ARHGAP24: variants seen among roughly 807,000 people sequenced by gnomAD.
ARHGAP24 encodes Rho GTPase activating protein 24, also known as rho GTPase-activating protein 24.
In ARHGAP24, 50 loss-of-function variants were observed where a neutral mutation model predicts 76.4. That is an observed-to-expected ratio of 0.65 (90% CI 0.52 to 0.83). The LOEUF (loss-of-function observed/expected upper bound fraction) is 0.83. ARHGAP24 is among the 40% of genes least tolerant of loss of function. The probability of loss-of-function intolerance (pLI) is 0.00; values close to 1 mark genes in which losing one functional copy is unlikely to be tolerated. For missense variants in ARHGAP24, 930 were observed against 914.2 expected (o/e 1.02, Z -0.22); for synonymous variants, 345 against 323.3 (o/e 1.07, Z -0.72).
At chr4:85,615,566 G>C (rs1003516652) in intron 2 of ARHGAP24, among the ~76,000 whole-genome samples, 4 of 152,130 alleles carry the variant, frequency 2.6e-5, no homozygotes, top group African/African-American at 9.7e-5. Context: ...GTTGACTTGA[G>C]ACATGTATGG....
At chr4:85,969,301 A>G (rs1273183288) in intron 5 of ARHGAP24, among the ~76,000 whole-genome samples, 1 of 152,156 alleles carries the variant, frequency 6.6e-6, no homozygotes, top group Non-Finnish European at 1.5e-5. Context: ...CAATGTAATA[A>G]ATAGATCATC....
At chr4:85,569,809 A>G (rs1727007378) in intron 1 of ARHGAP24, among the ~76,000 whole-genome samples, 2 of 152,346 alleles carry the variant, frequency 1.3e-5, no homozygotes, top group Non-Finnish European at 2.9e-5. Flanking sequence ...ATGTTCACCT[A>G]TGTAAGACAA....
intron 1 of ARHGAP24, among the ~76,000 whole-genome samples, chr4:85,561,475 G>C (rs972412495): frequency 3.9e-4 from 59 of 152,206 alleles, no homozygotes; most frequent in African/African-American, 1.3e-3. Context: ...GGAGAGTGAG[G>C]GGACAGAAAG....
chr4:85,619,891 A>G lies in ARHGAP24; in HGVS notation c.180+49170A>G, dbSNP rs374709915. ...TCATGAAATGATCTTATTTTTTTTC[A>G]AATGCCTTATCTGCATCTATTGAAA... On this transcript the variant is annotated intron_variant, in intron 2 of 9. Coordinates refer to ENST00000395184, the MANE Select transcript of ARHGAP24 (RefSeq NM_001025616.3). 1.2e-4 allele frequency among the ~76,000 whole-genome samples: 18 copies of G among 151,844 alleles called. No individual in the cohort carries two copies. The South Asian group carries it at 1.7e-3, about 14-fold the overall frequency.
intron 3 of ARHGAP24, among the ~76,000 whole-genome samples, chr4:85,811,244 T>C (rs1410457267): frequency 6.6e-6 from 1 of 152,234 alleles, no homozygotes; most frequent in East Asian, 1.9e-4. Context: ...CTAAAGGTTT[T>C]GTCTTAAGAT....
chr4:85,898,323 A>G (rs1258219546), intron 3 of ARHGAP24, among the ~76,000 whole-genome samples: 1 of 152,068 alleles, frequency 6.6e-6, no homozygotes, highest in Non-Finnish European at 1.5e-5. Flanking sequence ...GTGGAATGTG[A>G]CTGTTAGTCA....
intron 3 of ARHGAP24, among the ~76,000 whole-genome samples, chr4:85,787,626 C>A (rs776466987): frequency 6.6e-6 from 1 of 152,042 alleles, no homozygotes; most frequent in Non-Finnish European, 1.5e-5. Context: ...ATGACAACAA[C>A]AAAATAAAAC....
chr4:85,765,609 T>C (rs1726902890), intron 3 of ARHGAP24, among the ~76,000 whole-genome samples: 2 of 152,108 alleles, frequency 1.3e-5, no homozygotes, highest in Non-Finnish European at 2.9e-5. Context: ...TAAGAAAGAA[T>C]ATAATTAGAT....
intron 1 of ARHGAP24, among the ~76,000 whole-genome samples, chr4:85,516,619 T>TA (rs576513165): frequency 3.0e-4 from 45 of 151,946 alleles, no homozygotes; most frequent in African/African-American, 1.1e-3. Context: ...TCATCTTTTT[T>TA]TTTTCTATTG....
chr4:85,616,827 C>T (rs566879720), intron 2 of ARHGAP24, among the ~76,000 whole-genome samples: 1 of 152,054 alleles, frequency 6.6e-6, no homozygotes, highest in African/African-American at 2.4e-5. Context: ...GGGGTTTCAC[C>T]ATGTTGACCA....
chr4:85,685,547 G>A (rs1330271536), intron 2 of ARHGAP24, among the ~76,000 whole-genome samples: 1 of 151,514 alleles, frequency 6.6e-6, no homozygotes, highest in African/African-American at 2.4e-5. Flanking sequence ...GCAGGAGAAT[G>A]GCGTGAACCC....
At chr4:85,475,696 AGGGGGCTGCGGGGGGCG>A (rs1423604175) in intron 1 of ARHGAP24, 137 bp downstream of exon 1, 5 of 1,390 alleles carry the variant, frequency 3.6e-3, no homozygotes, top group Admixed American at 0.01. Flanking sequence ...GGGGGCGGGG[AGGGGGCTGCGGGGGGCG>A]GGGAGGGGGC....
chr4:85,977,914 C>A (rs1014025260), intron 8 of ARHGAP24, among the ~76,000 whole-genome samples: 1 of 152,104 alleles, frequency 6.6e-6, no homozygotes, highest in Non-Finnish European at 1.5e-5. Context: ...TCTTCATTAG[C>A]CTTACAAGAA....
intron 2 of ARHGAP24, among the ~76,000 whole-genome samples, chr4:85,683,171 GATA>G (rs75600953): frequency 0.13 from 16,771 of 129,284 alleles, 1,195 homozygotes; most frequent in Non-Finnish European, 0.17. Context: ...AGTAAATATT[GATA>G]ATAACAAAAA....
intron 3 of ARHGAP24, among the ~76,000 whole-genome samples, chr4:85,870,867 C>T (rs1161353528): frequency 1.3e-5 from 2 of 152,088 alleles, no homozygotes; most frequent in African/African-American, 2.4e-5. Flanking sequence ...TTACAAGTGG[C>T]AGTGTACTCT....
At chr4:85,924,959 G>A (rs1367849349) in intron 4 of ARHGAP24, among the ~76,000 whole-genome samples, 3 of 152,108 alleles carry the variant, frequency 2.0e-5, no homozygotes, top group East Asian at 1.9e-4. Flanking sequence ...TCATTCCCAC[G>A]GTGTTCTAGT....
At chr4:85,772,656 T>C (rs1489931434) in intron 3 of ARHGAP24, among the ~76,000 whole-genome samples, 1 of 152,232 alleles carries the variant, frequency 6.6e-6, no homozygotes, top group Non-Finnish European at 1.5e-5. Flanking sequence ...ATAATTAGAT[T>C]ATCAAGAGGA....
At chr4:85,923,616 A>C in intron 3 of ARHGAP24, 32 bp from the exon 4 acceptor site, 1 of 1,613,014 alleles carries the variant, frequency 6.2e-7, no homozygotes, top group Non-Finnish European at 8.5e-7. Context: ...TCTGGATGCA[A>C]CTTCAGCTGC....
intron 2 of ARHGAP24, among the ~76,000 whole-genome samples, chr4:85,660,750 C>T (rs28455507): frequency 0.042 from 5,403 of 129,100 alleles, 326 homozygotes; most frequent in African/African-American, 0.15. Flanking sequence ...GAGCTGAGAT[C>T]GCGCCACAGC....
Sources: gnomAD v4.1 joint callset for allele counts (sites outside exome capture counted in the v4.1 genomes callset) on GRCh38, gnomAD v4.1.1 for gene constraint, MANE v1.5 for transcripts, NCBI Gene and HGNC (gene_info 2026-07-23, HGNC 2026-07-21) for gene names.